The following HTR4 variants were observed in gnomAD, a reference collection of about 807,000 sequenced individuals.
HTR4 encodes the protein 5-hydroxytryptamine receptor 4.
HTR4 carries 16 observed loss-of-function variants against 36.8 expected under a neutral mutation model. That is an observed-to-expected ratio of 0.43 (90% CI 0.29 to 0.66). The LOEUF is 0.66. Ranked by LOEUF, HTR4 falls within the 30% of genes least tolerant of loss-of-function variation. HTR4 has a pLI of 0.13. For missense variants in HTR4, 438 were observed against 490.9 expected, an observed-to-expected ratio of 0.89 and a Z score of 1.02; for synonymous variants, 189 against 185.1, an observed-to-expected ratio of 1.02 and a Z score of -0.17.
intron 2 of HTR4, among the ~76,000 whole-genome samples, chr5:148,567,766 C>A (rs979845113): frequency 3.0e-4 from 46 of 152,228 alleles, no homozygotes; most frequent in Admixed American, 2.7e-3. Flanking sequence ...CATCAAAGAG[C>A]ATTTTCCTGA....
Position 148,481,933 on chromosome 5 carries a change from G to A in HTR4, c.*1270C>T, listed in dbSNP as rs1034421888. The A allele has an allele frequency of 1.8e-6, 2 of 1,103,014 alleles. No homozygotes were observed. Among genetic ancestry groups the A allele is most frequent in the East Asian group, 1.2e-4 (2 of 17,344 alleles). The allele number at this position is 1,103,014 out of a possible 1,614,324, so 68.3% of individuals were successfully genotyped here. The stretch of plus-strand genomic sequence containing the variant: ...CCTTTGAAACAAAGCCAAAAGGCAG[G>A]CAGGCCATGGCTTCTCGAGGTAGCA... On this transcript the variant is annotated 3_prime_UTR_variant, in exon 7 of 7. Transcript: ENST00000377888.
At chr5:148,499,941 A>G (rs750341738) in intron 6 of HTR4, among the ~76,000 whole-genome samples, 3 of 152,010 alleles carry the variant, frequency 2.0e-5, no homozygotes, top group Non-Finnish European at 2.9e-5. Flanking sequence ...ATCTTCTGCC[A>G]TGAGTAAAAG....
At position 148,654,392 on chromosome 5, in the gene HTR4, T is replaced by G. The variant is rs1754133232; in HGVS notation, c.-378A>C. 2 of 985,288 alleles carry G rather than the reference T, an allele frequency of 2.0e-6. No homozygotes were observed. Among genetic ancestry groups the G allele is most frequent in the Non-Finnish European group, 2.4e-6 (2 of 829,846 alleles). The allele number at this position is 985,288 out of a possible 1,614,324, so 61.0% of individuals were successfully genotyped here. A position where few individuals can be genotyped will look rare whatever the true frequency, so the allele number is the denominator to read the frequency against. On this transcript the variant is annotated 5_prime_UTR_variant, in exon 1 of 7. Coordinates refer to ENST00000377888, the MANE Select transcript of HTR4 (RefSeq NM_000870.7). ...CTGCCCTGCCCGCTGCCGCCCCCACTGGGCGCCAGGGACAGCGGGGGTGCC... is the reference window on the plus strand; with the variant it reads ...CTGCCCTGCCCGCTGCCGCCCCCACGGGGCGCCAGGGACAGCGGGGGTGCC...
At chr5:148,542,167 T>C (rs1025175843) in intron 4 of HTR4, among the ~76,000 whole-genome samples, 1 of 152,212 alleles carries the variant, frequency 6.6e-6, no homozygotes, top group African/African-American at 2.4e-5. Flanking sequence ...AAAATAACAG[T>C]TCAAACCCTC....
intron 2 of HTR4, among the ~76,000 whole-genome samples, chr5:148,554,316 C>T (rs571720007): frequency 8.5e-5 from 13 of 152,250 alleles, no homozygotes; most frequent in Non-Finnish European, 1.6e-4. Context: ...CTCAGGTGAT[C>T]CGCCCGCCTC....
At chr5:148,594,770 G>A (rs1761706757) in intron 2 of HTR4, among the ~76,000 whole-genome samples, 1 of 152,158 alleles carries the variant, frequency 6.6e-6, no homozygotes, top group Admixed American at 6.5e-5. Flanking sequence ...CCATGGACAA[G>A]GCTGGCTTTA....
intron 1 of HTR4, among the ~76,000 whole-genome samples, chr5:148,644,112 T>G (rs769310043): frequency 7.2e-5 from 11 of 152,140 alleles, no homozygotes. Context: ...TTTAACAAAT[T>G]CACAGATATT....
rs1306985912 is a variant in HTR4 at position 148,556,135 on chromosome 5, T to G, written c.27-5873A>C. ...GCCTCCTGGGTTCAAGTGATTCTCCTGCCTCAGCCTCCCAAGTAGCTGGGA... is the reference window on the plus strand; with the variant it reads ...GCCTCCTGGGTTCAAGTGATTCTCCGGCCTCAGCCTCCCAAGTAGCTGGGA... On this transcript the variant is annotated intron_variant, in intron 2 of 6. Transcript: ENST00000377888. Among the ~76,000 whole-genome samples, 3 of 152,188 alleles carry G rather than the reference T, an allele frequency of 2.0e-5. No individual in the cohort carries two copies. The East Asian group carries it at 5.8e-4, about 29-fold the overall frequency.
intron 5 of HTR4, among the ~76,000 whole-genome samples, chr5:148,469,600 G>C (rs905757035): frequency 6.6e-6 from 1 of 152,200 alleles, no homozygotes; most frequent in African/African-American, 2.4e-5. Context: ...GGTTGTGTTT[G>C]TTTGGTCAGA....
intron 2 of HTR4, among the ~76,000 whole-genome samples, chr5:148,584,020 T>C (rs1761253577): frequency 6.6e-6 from 1 of 152,186 alleles, no homozygotes; most frequent in Non-Finnish European, 1.5e-5. Context: ...TAATTTTACC[T>C]GTTATTTGTT....
At chr5:148,635,050 CATA>C (rs1217415164) in intron 2 of HTR4, among the ~76,000 whole-genome samples, 3 of 151,884 alleles carry the variant, frequency 2.0e-5, no homozygotes, top group South Asian at 2.1e-4. Context: ...TATAAAAATG[CATA>C]ATATTTTTAA....
chr5:148,483,206 A>G lies in HTR4; in HGVS notation c.1164T>C (p.Thr388=). The G allele has an allele frequency of 6.2e-7, 1 of 1,614,004 alleles. No homozygotes were observed. The highest frequency in any genetic ancestry group is 1.1e-5 in the South Asian group (1 of 91,066). Residue 388 remains threonine, a synonymous_variant, in exon 7 of 7, where the codon ACT becomes ACC. Coordinates refer to ENST00000377888, the MANE Select transcript of HTR4 (RefSeq NM_000870.7). ...TCTGGGTCATTGTCCCAGGGGCCTA[A>G]GTGTCACTGGGCTGAGCAGCCACCA... ...SPLVAAQPSD[T]
In HTR4 at chr5:148,509,988, T is replaced by C. The variant is rs199677504; in HGVS notation, c.544A>G (p.Thr182Ala). ...TTGTTGACCATGAAGACACAGTACG[T>C]AGAGTTAGAGTTCTGGTTGAACTTC... is the stretch of plus-strand genomic sequence containing the variant. ...KRKFNQNSNS[T>A]YCVFMVNKPY... Residue 182 changes from threonine (T) to alanine (A), a missense_variant, in exon 6 of 7, where the codon ACG (threonine) becomes GCG (alanine). Thr to Ala is a moderately conservative substitution (Grantham distance 58). Transcript: ENST00000377888. 7.4e-6 allele frequency: 12 copies of C among 1,613,222 alleles called. No individual in the cohort carries two copies. The highest frequency in any genetic ancestry group is 2.2e-5 in the South Asian group (2 of 90,990).
intron 5 of HTR4, chr5:148,461,785 A>G (rs1233418565): frequency 6.6e-6 from 1 of 152,054 alleles, no homozygotes; most frequent in Non-Finnish European, 1.5e-5. Flanking sequence ...TCAATAGACT[A>G]CTTTACCTAA....
rs1385742966 is a variant in HTR4 at position 148,481,629 on chromosome 5, A to C, written c.*1574T>G. 1 of 1,506,308 alleles carries C rather than the reference A, an allele frequency of 6.6e-7. No individual in the cohort carries two copies. Among genetic ancestry groups the C allele is most frequent in the Admixed American group, 2.4e-5 (1 of 41,818 alleles). The allele number at this position is 1,506,308 out of a possible 1,614,324, so 93.3% of individuals were successfully genotyped here. On this transcript the variant is annotated 3_prime_UTR_variant, in exon 7 of 7. Transcript: ENST00000377888. ...TCTTCCTGTCGGTTTCAGTTCCAGA[A>C]CTAAAGTAAACAACAATGGAAACAA...
chr5:148,594,352 G>A (rs1196655235), intron 2 of HTR4, among the ~76,000 whole-genome samples: 1 of 32,138 alleles, frequency 3.1e-5, no homozygotes, highest in Non-Finnish European at 6.1e-5. Context: ...TCTGGGTTTC[G>A]TGTGTGTGTG....
intron 4 of HTR4, among the ~76,000 whole-genome samples, chr5:148,527,938 T>A (rs1173580137): frequency 6.6e-6 from 1 of 152,092 alleles, no homozygotes; most frequent in East Asian, 1.9e-4. Context: ...ACATATACAG[T>A]CAGTTCCCTG....
chr5:148,481,226 T>C (rs528943020), downstream of HTR4, among the ~76,000 whole-genome samples: 2 of 152,300 alleles, frequency 1.3e-5, no homozygotes, highest in African/African-American at 4.8e-5. Context: ...CTCCTAATGG[T>C]GGTTGCTGAG....
At chr5:148,524,385 A>G (rs1400931526) in intron 4 of HTR4, among the ~76,000 whole-genome samples, 3 of 152,146 alleles carry the variant, frequency 2.0e-5, no homozygotes, top group Admixed American at 6.5e-5. Context: ...TTTCCTGTCT[A>G]CTGGATGAGA....
Sources: allele counts gnomAD v4.1 joint callset (sites outside exome capture counted in the v4.1 genomes callset), GRCh38; gene constraint gnomAD v4.1.1; transcripts MANE v1.5; gene names NCBI Gene and HGNC (gene_info 2026-07-23, HGNC 2026-07-21).